CNKSR2: variants seen among roughly 807,000 people sequenced by gnomAD.
CNKSR2 encodes the protein CNK homolog protein 2.
CNKSR2 carries 14 observed loss-of-function variants against 84.4 expected under a neutral mutation model. The ratio of observed to expected loss-of-function variants is 0.17; its 90% CI spans 0.11 to 0.26. The LOEUF (loss-of-function observed/expected upper bound fraction) is 0.26. Ranked by LOEUF, CNKSR2 falls within the 10% of genes least tolerant of loss-of-function variation. CNKSR2 has a pLI of 1.00. For synonymous variants in CNKSR2, 275 were observed against 277.9 expected (o/e 0.99, Z 0.10); for missense variants, 485 against 771.2 (o/e 0.63, Z 4.40).
chrX:21,450,484 T>C (rs1272027300), intron 4 of CNKSR2, among the ~76,000 whole-genome samples: 1 of 111,647 alleles, frequency 9.0e-6, no homozygotes, highest in East Asian at 2.8e-4. Context: ...GCAATCTAAA[T>C]AGATAAAAGA....
chrX:21,497,389 C>G (rs1398050919), intron 6 of CNKSR2, among the ~76,000 whole-genome samples: 1 of 111,567 alleles, frequency 9.0e-6, no homozygotes, highest in African/African-American at 3.2e-5. Flanking sequence ...TATAATATAT[C>G]AAGTATAATA....
At position 21,652,745 on chromosome X, in the gene CNKSR2, GT is replaced by G. The variant is rs1231458239; in HGVS notation, c.*225del. 23 of 317,841 alleles carry G rather than the reference GT, an allele frequency of 7.2e-5. No homozygotes were observed. The allele number at this position is 317,841 out of a possible 1,213,427, so 26.2% of individuals were successfully genotyped here. On this transcript the variant is annotated 3_prime_UTR_variant, in exon 22 of 22. Transcript: ENST00000379510. ...ATGTTTACCATGTGCAAAATCAACT[GT>G]CTTTAATGACTTAAAATTAACTTTT...
At chrX:21,605,735 T>C (rs1163559325) in intron 18 of CNKSR2, among the ~76,000 whole-genome samples, 4 of 112,142 alleles carry the variant, frequency 3.6e-5, no homozygotes, top group African/African-American at 1.3e-4. Flanking sequence ...TATACAAATA[T>C]TACAATATGG....
At chrX:21,646,370 C>CT (rs1439547700) in intron 20 of CNKSR2, among the ~76,000 whole-genome samples, 1 of 111,612 alleles carries the variant, frequency 9.0e-6, no homozygotes, top group East Asian at 2.8e-4. Flanking sequence ...GGGGGAGAAA[C>CT]TTTCAGTTTT....
At chrX:21,631,082 G>C (rs1265218412) in intron 20 of CNKSR2, among the ~76,000 whole-genome samples, 1 of 110,788 alleles carries the variant, frequency 9.0e-6, no homozygotes, top group Non-Finnish European at 1.9e-5. Flanking sequence ...AGCACTTCAG[G>C]AGGCCAAGGC....
At position 21,653,600 on chromosome X, in the gene CNKSR2, A is replaced by T. The variant is rs1409607414; in HGVS notation, c.*1079A>T. On this transcript the variant is annotated 3_prime_UTR_variant, in exon 22 of 22. Transcript: ENST00000379510. Reference sequence around the variant, plus strand: ...TGTACTTCCCTTCTAAGGAGCAAGCAGGTGATGGTCATTCAAAGAGATGTC... The same window carrying T: ...TGTACTTCCCTTCTAAGGAGCAAGCTGGTGATGGTCATTCAAAGAGATGTC... 1 of 110,358 alleles carries T rather than the reference A, an allele frequency of 9.1e-6. No homozygotes were observed. Among genetic ancestry groups the T allele is most frequent in the Non-Finnish European group, 1.9e-5 (1 of 52,893 alleles). 9.1% of individuals were successfully genotyped at this position (110,358 alleles called of 1,213,427 possible). A position where few individuals can be genotyped will look rare whatever the true frequency, so the allele number is the denominator to read the frequency against.
intron 13 of CNKSR2, among the ~76,000 whole-genome samples, chrX:21,580,916 G>T (rs2092349175): frequency 9.0e-6 from 1 of 111,681 alleles, no homozygotes; most frequent in South Asian, 3.7e-4. Flanking sequence ...AAACAGAAGT[G>T]TCAGGAGTAG....
rs371749647 is a variant in CNKSR2, at chrX:21,654,504, A to G, written c.*1983A>G. 22 of 109,723 alleles carry G rather than the reference A, an allele frequency of 2.0e-4. No individual in the cohort carries two copies. Among genetic ancestry groups the G allele is most frequent in the African/African-American group, 7.3e-4 (22 of 30,147 alleles). 9.0% of individuals were successfully genotyped at this position (109,723 alleles called of 1,213,427 possible). A position where few individuals can be genotyped will look rare whatever the true frequency, so the allele number is the denominator to read the frequency against. On this transcript the variant is annotated 3_prime_UTR_variant, in exon 22 of 22. Coordinates refer to ENST00000379510, the MANE Select transcript of CNKSR2 (RefSeq NM_014927.5). ...CTACTAAGCAGCTTTTACTTTTGTAAAGTCAGCTCTGTTGTTTTAAATGGT... is the reference window on the plus strand; with the variant it reads ...CTACTAAGCAGCTTTTACTTTTGTAGAGTCAGCTCTGTTGTTTTAAATGGT...
At chrX:21,568,331 T>C (rs1203493465) in intron 13 of CNKSR2, among the ~76,000 whole-genome samples, 2 of 111,738 alleles carry the variant, frequency 1.8e-5, no homozygotes, top group Non-Finnish European at 3.8e-5. Flanking sequence ...ATTTTAAGTC[T>C]ACATGCTGAG....
chrX:21,452,247 T>G (rs952594708), intron 4 of CNKSR2, among the ~76,000 whole-genome samples: 8 of 110,975 alleles, frequency 7.2e-5, no homozygotes, highest in Non-Finnish European at 1.5e-4. Flanking sequence ...TGCGCCACCA[T>G]GCTCGGCTAA....
rs754376717 is a variant in CNKSR2, at chrX:21,654,152, T to C, written c.*1631T>C. The stretch of plus-strand genomic sequence containing the variant: ...TGGATGAGAAATCATGTATTAATGT[T>C]TGTATGGAATTTTGGGTCCAGTGTA... On this transcript the variant is annotated 3_prime_UTR_variant, in exon 22 of 22. Coordinates refer to ENST00000379510, the MANE Select transcript of CNKSR2 (RefSeq NM_014927.5). 20 of 109,277 alleles carry C rather than the reference T, an allele frequency of 1.8e-4. 1 individual carries two copies. Among genetic ancestry groups the C allele is most frequent in the Non-Finnish European group, 3.2e-4 (17 of 52,571 alleles). 9.0% of individuals were successfully genotyped at this position (109,277 alleles called of 1,213,427 possible).
intron 1 of CNKSR2, among the ~76,000 whole-genome samples, chrX:21,382,012 G>C (rs1601714705): frequency 9.0e-6 from 1 of 111,444 alleles, no homozygotes; most frequent in African/African-American, 3.3e-5. Context: ...TCTATTTCTT[G>C]TACCAGTGTG....
chrX:21,488,346 G>A (rs1345230614), intron 5 of CNKSR2, among the ~76,000 whole-genome samples: 1 of 111,939 alleles, frequency 8.9e-6, no homozygotes, highest in Non-Finnish European at 1.9e-5. Flanking sequence ...GTCTTAGCAT[G>A]TCAGCCATAT....
chrX:21,465,043 C>T (rs1295553439), intron 4 of CNKSR2, among the ~76,000 whole-genome samples: 1 of 111,932 alleles, frequency 8.9e-6, no homozygotes, highest in Non-Finnish European at 1.9e-5. Flanking sequence ...AGTGTGTTCA[C>T]ACACTTTGAA....
Position 21,439,748 on chromosome X carries a change from A to G in CNKSR2, c.432-946A>G, listed in dbSNP as rs776532903. 4.5e-5 allele frequency among the ~76,000 whole-genome samples: 5 copies of G among 111,027 alleles called. No homozygotes were observed. The East Asian group carries it at 8.5e-4, about 19-fold the overall frequency. The stretch of plus-strand genomic sequence containing the variant: ...TGAAATAGATACTCTGAATAATCCC[A>G]TAACTATTGAAGAAAGTGAATATTA... On this transcript the variant is annotated intron_variant, in intron 3 of 21. Coordinates refer to ENST00000379510, the MANE Select transcript of CNKSR2 (RefSeq NM_014927.5).
chrX:21,614,525 A>G (rs958595884), intron 20 of CNKSR2, among the ~76,000 whole-genome samples: 1 of 111,469 alleles, frequency 9.0e-6, no homozygotes, highest in East Asian at 2.8e-4. Context: ...AACCTTAACT[A>G]TATCACTTTT....
intron 1 of CNKSR2, among the ~76,000 whole-genome samples, chrX:21,406,277 T>C (rs1190908773): frequency 9.0e-6 from 1 of 110,807 alleles, no homozygotes; most frequent in Non-Finnish European, 1.9e-5. Context: ...CCTGAAACCA[T>C]CCCCCCATTG....
chrX:21,438,799 A>G (rs995115296), intron 3 of CNKSR2, among the ~76,000 whole-genome samples: 3 of 111,684 alleles, frequency 2.7e-5, no homozygotes, highest in Non-Finnish European at 5.7e-5. Context: ...TAATATTCAT[A>G]TATTAACATA....
intron 11 of CNKSR2, among the ~76,000 whole-genome samples, chrX:21,540,442 C>G (rs191423041): frequency 9.0e-6 from 1 of 111,263 alleles, no homozygotes; most frequent in Non-Finnish European, 1.9e-5. Context: ...AAAATAGTCC[C>G]ATTACCTGGA....
Sources: allele counts gnomAD v4.1 joint callset (sites outside exome capture counted in the v4.1 genomes callset), GRCh38; gene constraint gnomAD v4.1.1; transcripts MANE v1.5; gene names NCBI Gene and HGNC (gene_info 2026-07-23, HGNC 2026-07-21).